The following GXYLT1 variants were observed in gnomAD, a reference collection of about 807,000 sequenced individuals.
GXYLT1 encodes glycosyltransferase 8 domain containing 3.
Under a neutral mutation model 54.0 loss-of-function variants are expected in GXYLT1, and 29 were observed. The observed-to-expected ratio is 0.54, with a 90% CI of 0.40 to 0.73. The LOEUF is 0.73. Ranked by LOEUF, GXYLT1 falls within the 30% of genes least tolerant of loss-of-function variation. GXYLT1 has a pLI of 0.00. For synonymous variants in GXYLT1, 176 were observed against 204.1 expected (o/e 0.86, Z 1.17); for missense variants, 490 against 553.4 (o/e 0.89, Z 1.15).
At chr12:42,143,154 T>C (rs2065661275) in intron 1 of GXYLT1, among the ~76,000 whole-genome samples, 1 of 152,206 alleles carries the variant, frequency 6.6e-6, no homozygotes. Context: ...ATCAGTCTAA[T>C]TTCATTCAAT....
intron 5 of GXYLT1, among the ~76,000 whole-genome samples, chr12:42,101,414 A>G (rs1485880218): frequency 6.6e-6 from 1 of 152,210 alleles, no homozygotes; most frequent in Non-Finnish European, 1.5e-5. Context: ...AAGAGAAAAT[A>G]AAATCATCCA....
At chr12:42,117,388 A>G (rs986744115) in intron 3 of GXYLT1, among the ~76,000 whole-genome samples, 4 of 152,174 alleles carry the variant, frequency 2.6e-5, no homozygotes, top group Non-Finnish European at 5.9e-5. Flanking sequence ...GTATACTTTC[A>G]TATACCACTT....
intron 7 of GXYLT1, among the ~76,000 whole-genome samples, chr12:42,089,145 A>C (rs2065314587): frequency 6.6e-6 from 1 of 152,028 alleles, no homozygotes; most frequent in Non-Finnish European, 1.5e-5. Flanking sequence ...TAAAAGTTTT[A>C]AAAAGAGATG....
At chr12:42,129,485 C>G (rs1026093949) in intron 2 of GXYLT1, among the ~76,000 whole-genome samples, 5 of 152,114 alleles carry the variant, frequency 3.3e-5, no homozygotes, top group African/African-American at 1.2e-4. Context: ...TAGTTTATCA[C>G]TTTATCAACT....
intron 1 of GXYLT1, among the ~76,000 whole-genome samples, chr12:42,137,898 G>A (rs2065630006): frequency 6.6e-6 from 1 of 152,026 alleles, no homozygotes; most frequent in Non-Finnish European, 1.5e-5. Flanking sequence ...TGCAAGAAAA[G>A]CAAAGATGCT....
chr12:42,124,173 C>T lies in GXYLT1; in HGVS notation c.315-5002G>A, dbSNP rs191616898. Among the ~76,000 whole-genome samples the T allele has an allele frequency of 8.0e-4, 121 of 151,718 alleles. 2 individuals carry two copies. Among genetic ancestry groups the T allele is most frequent in the African/African-American group, 2.8e-3 (117 of 41,426 alleles). On this transcript the variant is annotated intron_variant, in intron 2 of 7. Transcript: ENST00000398675. ...ATATATCTCTTAAAACTGGTATGAACTACTCAAAATAATACAGCTAATATT... is the reference window on the plus strand; with the variant it reads ...ATATATCTCTTAAAACTGGTATGAATTACTCAAAATAATACAGCTAATATT...
At chr12:42,099,947 T>C (rs1305393975) in intron 5 of GXYLT1, among the ~76,000 whole-genome samples, 4 of 152,194 alleles carry the variant, frequency 2.6e-5, no homozygotes, top group Non-Finnish European at 5.9e-5. Flanking sequence ...ATGCTGCCTT[T>C]TGAAATGAGA....
intron 3 of GXYLT1, among the ~76,000 whole-genome samples, chr12:42,118,148 T>C (rs932546686): frequency 6.6e-6 from 1 of 152,212 alleles, no homozygotes; most frequent in Non-Finnish European, 1.5e-5. Context: ...CCACTGTTAT[T>C]TTGGGTTTTC....
At chr12:42,090,975 A>G (rs994846334) in intron 7 of GXYLT1, among the ~76,000 whole-genome samples, 3 of 152,226 alleles carry the variant, frequency 2.0e-5, no homozygotes, top group Non-Finnish European at 4.4e-5. Context: ...TTGCTGGTAG[A>G]CATAGCCATG....
intron 3 of GXYLT1, among the ~76,000 whole-genome samples, chr12:42,116,683 C>A (rs1216891473): frequency 6.6e-6 from 1 of 152,186 alleles, no homozygotes; most frequent in Non-Finnish European, 1.5e-5. Context: ...GTTGGTGGGA[C>A]TGTAAACTAG....
At position 42,119,155 on chromosome 12, in the gene GXYLT1, G is replaced by A; in HGVS notation, c.331C>T (p.Gln111Ter). ...GCTAGATGCATTTTCTCAACAGGCT[G>A]TATTTTCAGACTGTACCTAATAGGA... ...EAAFRYSLKI[Q>*]PVEKMHLAVV... The change falls in exon 3 of 8, where the codon CAG (glutamine) becomes TAG (stop). Residue 111 changes from glutamine (Q) to a stop codon, truncating the protein, a stop_gained. Transcript: ENST00000398675. LOFTEE classifies it high-confidence loss of function. 4 of 1,613,918 alleles carry A rather than the reference G, an allele frequency of 2.5e-6. No homozygotes were observed. Among genetic ancestry groups the A allele is most frequent in the Non-Finnish European group, 3.4e-6 (4 of 1,179,772 alleles).
intron 3 of GXYLT1, among the ~76,000 whole-genome samples, chr12:42,111,712 G>A (rs1020751835): frequency 6.6e-6 from 1 of 152,204 alleles, no homozygotes; most frequent in Non-Finnish European, 1.5e-5. Context: ...TCTGGGGGCA[G>A]GGCACGGACA....
chr12:42,090,395 ATAT>A (rs1458614929), intron 7 of GXYLT1, among the ~76,000 whole-genome samples: 3 of 152,094 alleles, frequency 2.0e-5, no homozygotes, highest in Non-Finnish European at 4.4e-5. Flanking sequence ...TTTTTATACT[ATAT>A]ACTATGCCTG....
intron 7 of GXYLT1, among the ~76,000 whole-genome samples, chr12:42,090,577 T>C (rs2065323837): frequency 1.3e-5 from 2 of 152,238 alleles, no homozygotes; most frequent in South Asian, 4.1e-4. Context: ...ATACTGTCAG[T>C]TGAACGACAT....
intron 1 of GXYLT1, 39 bp downstream of exon 1, chr12:42,144,387 C>T: frequency 7.6e-7 from 1 of 1,310,332 alleles, no homozygotes; most frequent in South Asian, 1.6e-5. Context: ...CCCAGCGCCC[C>T]GCGCCCGCCG....
At chr12:42,104,356 T>C (rs2065407569) in intron 5 of GXYLT1, among the ~76,000 whole-genome samples, 1 of 151,966 alleles carries the variant, frequency 6.6e-6, no homozygotes, top group African/African-American at 2.4e-5. Context: ...ACTATCTTAG[T>C]TTTACTATAT....
chr12:42,097,326 A>T, intron 7 of GXYLT1, 116 bp downstream of exon 7: 1 of 679,474 alleles, frequency 1.5e-6, no homozygotes, highest in South Asian at 3.1e-5. Flanking sequence ...GCAAAATGTT[A>T]ATAACAGATG....
In GXYLT1 at chr12:42,104,270, A is replaced by G. The variant is rs1002819985; in HGVS notation, c.864+1548T>C. 4.8e-5 allele frequency among the ~76,000 whole-genome samples: 7 copies of G among 145,650 alleles called. No individual in the cohort carries two copies. The South Asian group carries it at 8.6e-4, about 18-fold the overall frequency. ...GAGAAGTCACATTTTTTTTTTTTGC[A>G]GATAATCTTACAGCACCATCTTCTG... On this transcript the variant is annotated intron_variant, in intron 5 of 7. Transcript: ENST00000398675.
intron 1 of GXYLT1, among the ~76,000 whole-genome samples, chr12:42,138,673 T>C (rs116075543): frequency 6.6e-6 from 1 of 152,168 alleles, no homozygotes; most frequent in African/African-American, 2.4e-5. Context: ...AATTTAAGTT[T>C]ATACGTAGGG....
Sources: allele counts gnomAD v4.1 joint callset (sites outside exome capture counted in the v4.1 genomes callset), GRCh38; gene constraint gnomAD v4.1.1; transcripts MANE v1.5; gene names NCBI Gene and HGNC (gene_info 2026-07-23, HGNC 2026-07-21).